The following GDPD1 variants were observed in gnomAD, a reference collection of about 807,000 sequenced individuals.
The protein encoded by GDPD1 is glycerophosphodiester phosphodiesterase domain containing 1, also known as lysophospholipase D GDPD1.
In GDPD1, 28 loss-of-function variants were observed where a neutral mutation model predicts 45.1. That is an observed-to-expected ratio of 0.62 (90% CI 0.46 to 0.85). The LOEUF is 0.85. Among genes scored for constraint, GDPD1 ranks in the 40% least tolerant of loss-of-function variants. GDPD1 has a pLI of 0.00. For missense variants in GDPD1, 256 were observed against 364.8 expected, an observed-to-expected ratio of 0.70 and a Z score of 2.43; for synonymous variants, 139 against 131.4, an observed-to-expected ratio of 1.06 and a Z score of -0.40.
intron 6 of GDPD1, among the ~76,000 whole-genome samples, chr17:59,259,062 A>G (rs1659472895): frequency 6.6e-6 from 1 of 151,480 alleles, no homozygotes. Flanking sequence ...GAAATTATTT[A>G]AGGGGTGAAG....
chr17:59,243,466 T>G (rs2047189220), intron 2 of GDPD1, among the ~76,000 whole-genome samples: 1 of 151,164 alleles, frequency 6.6e-6, no homozygotes, highest in Admixed American at 6.6e-5. Flanking sequence ...ACTGTGCCGT[T>G]GCATTCCAGC....
intron 6 of GDPD1, among the ~76,000 whole-genome samples, chr17:59,258,214 A>C (rs1032183505): frequency 6.8e-6 from 1 of 146,978 alleles, no homozygotes; most frequent in East Asian, 2.2e-4. Context: ...GGTGTGAGCC[A>C]TTGTGCCTGG....
chr17:59,243,492 G>A (rs955135008), intron 2 of GDPD1, among the ~76,000 whole-genome samples: 2 of 149,036 alleles, frequency 1.3e-5, no homozygotes. Context: ...CAACAAGAAC[G>A]AAACTCAGTA....
In GDPD1 at chr17:59,274,867, A is replaced by G. The variant is rs1224705328; in HGVS notation, c.*1094A>G. ...GATTTTTTTTTTTTTTTTGACATGTAGTCTTGCTCTGTCGCCGAGGCCGGA... is the reference window on the plus strand; with the variant it reads ...GATTTTTTTTTTTTTTTTGACATGTGGTCTTGCTCTGTCGCCGAGGCCGGA... On this transcript the variant is annotated 3_prime_UTR_variant, in exon 10 of 10. Coordinates refer to ENST00000284116, the MANE Select transcript of GDPD1 (RefSeq NM_182569.4). Among the ~76,000 whole-genome samples, 4 of 144,332 alleles carry G rather than the reference A, an allele frequency of 2.8e-5. No homozygotes were observed. The highest frequency in any genetic ancestry group is 6.0e-5 in the Non-Finnish European group (4 of 66,332). 94.7% of individuals were successfully genotyped at this position (144,332 alleles called of 152,430 possible). A position where few individuals can be genotyped will look rare whatever the true frequency, so the allele number is the denominator to read the frequency against.
intron 4 of GDPD1, among the ~76,000 whole-genome samples, chr17:59,256,526 G>A (rs1281256352): frequency 6.6e-6 from 1 of 152,136 alleles, no homozygotes; most frequent in African/African-American, 2.4e-5. Context: ...AAAAGTCAAT[G>A]ATGATATAGC....
At chr17:59,270,594 A>T (rs993118967) in intron 7 of GDPD1, among the ~76,000 whole-genome samples, 1 of 152,168 alleles carries the variant, frequency 6.6e-6, no homozygotes, top group African/African-American at 2.4e-5. Flanking sequence ...CACATACTAA[A>T]TTGTAGGAGA....
chr17:59,266,839 G>A (rs1371519719), intron 6 of GDPD1, among the ~76,000 whole-genome samples: 2 of 152,106 alleles, frequency 1.3e-5, no homozygotes, highest in African/African-American at 2.4e-5. Context: ...TATACTATGA[G>A]GCTCCAAGAT....
At chr17:59,260,746 G>A (rs2147899260) in intron 6 of GDPD1, 1 of 152,224 alleles carries the variant, frequency 6.6e-6, no homozygotes, top group East Asian at 1.9e-4. Flanking sequence ...GAACTCTTTG[G>A]TGGCTGATCT....
intron 1 of GDPD1, among the ~76,000 whole-genome samples, chr17:59,231,298 T>A (rs1417506668): frequency 6.6e-6 from 1 of 151,410 alleles, no homozygotes; most frequent in African/African-American, 2.4e-5. Flanking sequence ...TCAATGAGAG[T>A]AAATATGAAA....
chr17:59,243,117 A>G (rs1200201256), intron 2 of GDPD1, among the ~76,000 whole-genome samples: 1 of 152,096 alleles, frequency 6.6e-6, no homozygotes, highest in Non-Finnish European at 1.5e-5. Context: ...TGAACCTGGA[A>G]GGCAGAGGTT....
In GDPD1 at chr17:59,232,181, G is replaced by A. The variant is rs188444118; in HGVS notation, c.143-2311G>A. 8.9e-4 allele frequency among the ~76,000 whole-genome samples: 135 copies of A among 152,210 alleles called. 1 individual carries two copies. The highest frequency in any genetic ancestry group is 3.0e-3 in the African/African-American group (125 of 41,536). ...GAATTTGTCAGTACAAGCTGGGCGC[G>A]GTGGCTCAAGCCTGTAATCCCAGCA... On this transcript the variant is annotated intron_variant, in intron 1 of 9. Transcript: ENST00000284116.
At chr17:59,228,717 TA>T (rs879663634) in intron 1 of GDPD1, among the ~76,000 whole-genome samples, 3,986 of 140,574 alleles carry the variant, frequency 0.028, 142 homozygotes, top group African/African-American at 0.088. Context: ...ACCCTGTCTC[TA>T]AAAAAAAAAA....
At position 59,234,862 on chromosome 17, in the gene GDPD1, G is replaced by A. The variant is rs114944626; in HGVS notation, c.185+328G>A. Among the ~76,000 whole-genome samples, 670 of 152,166 alleles carry A rather than the reference G, an allele frequency of 4.4e-3. 9 individuals carry two copies. Among genetic ancestry groups the A allele is most frequent in the African/African-American group, 0.015 (628 of 41,532 alleles). ...GAGAGAAAGAGAAAATGAAACAACT[G>A]TTACAGTGGCTGCTATTTATGAACA... On this transcript the variant is annotated intron_variant, in intron 2 of 9. Transcript: ENST00000284116.
At chr17:59,261,885 C>T (rs1158888273) in intron 6 of GDPD1, among the ~76,000 whole-genome samples, 2 of 143,062 alleles carry the variant, frequency 1.4e-5, no homozygotes, top group South Asian at 2.3e-4. Context: ...CCTCTTGTCT[C>T]GTTTTCCCAA....
chr17:59,257,085 T>C (rs368502954), intron 4 of GDPD1, 37 bp from the exon 5 acceptor site: 21 of 1,073,304 alleles, frequency 2.0e-5, no homozygotes, highest in Non-Finnish European at 2.7e-5. Flanking sequence ...GTAAAACTTA[T>C]ATTTAAAAAA....
intron 6 of GDPD1, among the ~76,000 whole-genome samples, chr17:59,258,890 A>T (rs2047330201): frequency 6.8e-6 from 1 of 147,650 alleles, no homozygotes; most frequent in Non-Finnish European, 1.5e-5. Flanking sequence ...GGGAGGCCAA[A>T]GTGGGAGGAT....
chr17:59,270,340 T>C (rs1375613417), intron 7 of GDPD1, among the ~76,000 whole-genome samples: 1 of 151,202 alleles, frequency 6.6e-6, no homozygotes, highest in African/African-American at 2.4e-5. Flanking sequence ...ATTACAGGTG[T>C]GCGCCACCAT....
At chr17:59,259,738 CAAAA>C (rs1396798001) in intron 6 of GDPD1, among the ~76,000 whole-genome samples, 2 of 102,276 alleles carry the variant, frequency 2.0e-5, no homozygotes. Flanking sequence ...GACTCCATCT[CAAAA>C]AAAAAAAAAA....
chr17:59,275,048 G>T lies in GDPD1; in HGVS notation c.*1275G>T, dbSNP rs188418348. 8.5e-5 allele frequency: 72 copies of T among 846,848 alleles called. No homozygotes were observed. In the African/African-American group the frequency reaches 1.2e-3, roughly 14 times the overall value. 52.5% of individuals were successfully genotyped at this position (846,848 alleles called of 1,614,324 possible). ...GTAGAGACAGGGTTTTGCCACGTTG[G>T]CCAGACTGGTCTCGAACTCCTGACC... On this transcript the variant is annotated 3_prime_UTR_variant, in exon 10 of 10. Transcript: ENST00000284116.
Sources: allele counts gnomAD v4.1 joint callset (sites outside exome capture counted in the v4.1 genomes callset), GRCh38; gene constraint gnomAD v4.1.1; transcripts MANE v1.5; gene names NCBI Gene and HGNC (gene_info 2026-07-23, HGNC 2026-07-21).